Variants in ZNF705G observed in about 807,000 individuals in gnomAD.
ZNF705G encodes zinc finger protein 705G.
A neutral mutation model predicts 19.6 loss-of-function variants in ZNF705G; 23 were observed. That is an observed-to-expected ratio of 1.17 (90% confidence interval 0.84 to 1.66). The LOEUF (loss-of-function observed/expected upper bound fraction) is 1.66. Ranked by LOEUF, ZNF705G falls within the 40% of genes most tolerant of loss-of-function variation. ZNF705G has a pLI of 0.00. For missense variants in ZNF705G, 457 were observed against 354.4 expected (o/e 1.29, Z -2.32); for synonymous variants, 146 against 117.7 (o/e 1.24, Z -1.56).
At chr8:7,362,803 G>A in intron 3 of ZNF705G, 132 bp downstream of exon 3, 12 of 1,577,858 alleles carry the variant, frequency 7.6e-6, no homozygotes, top group Non-Finnish European at 1.0e-5. Context: ...CCCAGGCAGG[G>A]TGGATTTTAC....
chr8:7,363,088 G>C (rs1356902866), intron 2 of ZNF705G, 71 bp from the exon 3 acceptor site: 5 of 1,573,604 alleles, frequency 3.2e-6, no homozygotes, highest in Admixed American at 1.7e-5. Flanking sequence ...GTGATGAAAA[G>C]CCAGACTTTC....
At chr8:7,384,712 A>G (rs1807654552) in intron 1 of ZNF705G, among the ~76,000 whole-genome samples, 1 of 144,258 alleles carries the variant, frequency 6.9e-6, no homozygotes, top group Non-Finnish European at 1.5e-5. Flanking sequence ...ATGGTCGTAG[A>G]TAAGGCCTAA....
At chr8:7,359,065 A>G (rs1265466117) in intron 6 of ZNF705G, among the ~76,000 whole-genome samples, 4 of 149,438 alleles carry the variant, frequency 2.7e-5, no homozygotes, top group Admixed American at 2.6e-4. Flanking sequence ...ATCCAGATTC[A>G]CTGAGCCAGA....
At chr8:7,364,958 C>G (rs571471934) in intron 2 of ZNF705G, among the ~76,000 whole-genome samples, 1 of 149,786 alleles carries the variant, frequency 6.7e-6, no homozygotes, top group South Asian at 2.1e-4. Flanking sequence ...ACCAAGTAAA[C>G]TCTTCCTCGA....
At chr8:7,368,260 A>C (rs189764312) in intron 2 of ZNF705G, among the ~76,000 whole-genome samples, 1 of 149,572 alleles carries the variant, frequency 6.7e-6, no homozygotes, top group African/African-American at 2.6e-5. Flanking sequence ...GTTGGAAACC[A>C]AAGAGTTAAG....
chr8:7,367,638 AG>A (rs1169581107), intron 2 of ZNF705G, among the ~76,000 whole-genome samples: 1 of 149,656 alleles, frequency 6.7e-6, no homozygotes, highest in African/African-American at 2.6e-5. Context: ...TCAAGGTTAA[AG>A]GCTCTTCTCT....
chr8:7,370,438 G>T (rs1807052632), intron 2 of ZNF705G, among the ~76,000 whole-genome samples: 2 of 149,770 alleles, frequency 1.3e-5, no homozygotes, highest in South Asian at 4.2e-4. Context: ...TCAAAAAGAT[G>T]TATAACAAGT....
chr8:7,361,437 G>A (rs1170780257), intron 3 of ZNF705G, among the ~76,000 whole-genome samples: 2 of 149,598 alleles, frequency 1.3e-5, no homozygotes, highest in Non-Finnish European at 2.9e-5. Flanking sequence ...ATCCATTAAA[G>A]TTTACTATAA....
At chr8:7,385,261 T>A (rs1408636295) in intron 1 of ZNF705G, among the ~76,000 whole-genome samples, 1 of 149,320 alleles carries the variant, frequency 6.7e-6, no homozygotes, top group East Asian at 1.9e-4. Context: ...ACTATTGCAT[T>A]GGGGATTAGA....
intron 1 of ZNF705G, among the ~76,000 whole-genome samples, chr8:7,382,719 C>T (rs538184687): frequency 1.4e-5 from 2 of 146,694 alleles, no homozygotes; most frequent in South Asian, 2.1e-4. Context: ...ACATTTAATA[C>T]CACTGACATT....
rs1289387211 is a variant in ZNF705G, at chr8:7,355,564, C to CA, written c.*2411dup. 6.7e-6 allele frequency: 1 copy of CA among 149,824 alleles called. No individual in the cohort carries two copies. The highest frequency in any genetic ancestry group is 1.5e-5 in the Non-Finnish European group (1 of 68,054). The allele number at this position is 149,824 out of a possible 1,614,324, so 9.3% of individuals were successfully genotyped here. On this transcript the variant is annotated 3_prime_UTR_variant, in exon 7 of 7. Coordinates refer to ENST00000400156, the MANE Select transcript of ZNF705G (RefSeq NM_001164457.3). ...GAAGATGGAAATAAAGAAGCAAATT[C>CA]AAAAATCAGTATACAAAAGCCGATT...
chr8:7,366,956 A>G (rs778740543), intron 2 of ZNF705G, among the ~76,000 whole-genome samples: 2 of 149,670 alleles, frequency 1.3e-5, no homozygotes, highest in African/African-American at 2.6e-5. Context: ...AGGATATGCC[A>G]TTTAGTTATT....
chr8:7,361,179 T>C lies in ZNF705G; in HGVS notation c.70A>G (p.Met24Val). ...IDFTQEEWAM[M>V]DTSKRKLYRD... ...TACAGCTTTCTCTTGGATGTGTCCA[T>C]CATGGCCCACTCTTCCTGGGTGAAG... Residue 24 changes from methionine to valine, a missense_variant, in exon 4 of 7, where the codon ATG becomes GTG. Transcript: ENST00000400156. 3 of 1,593,174 alleles carry C rather than the reference T, an allele frequency of 1.9e-6. No individual in the cohort carries two copies. The highest frequency in any genetic ancestry group is 2.8e-5 in the African/African-American group (2 of 71,030).
In ZNF705G at chr8:7,363,139, G is replaced by C. The variant is rs551953464; in HGVS notation, c.-71-122C>G. On this transcript the variant is annotated intron_variant, in intron 2 of 6. Coordinates refer to ENST00000400156, the MANE Select transcript of ZNF705G (RefSeq NM_001164457.3). ...CAGCTGCACCACAGCCTAACCAACA[G>C]ACACAAACATGCAGAGGCCTCTCCT... 2.9e-5 allele frequency: 36 copies of C among 1,243,570 alleles called. 1 individual carries two copies. In the East Asian group the frequency reaches 6.2e-4, roughly 21 times the overall value. The allele number at this position is 1,243,570 out of a possible 1,614,324, so 77.0% of individuals were successfully genotyped here.
chr8:7,364,395 G>A (rs1276992104), intron 2 of ZNF705G, among the ~76,000 whole-genome samples: 2 of 149,658 alleles, frequency 1.3e-5, no homozygotes, highest in African/African-American at 5.1e-5. Flanking sequence ...TGTATTAATT[G>A]TGACATTGTG....
At chr8:7,361,453 T>C (rs1361287447) in intron 3 of ZNF705G, among the ~76,000 whole-genome samples, 1 of 149,720 alleles carries the variant, frequency 6.7e-6, no homozygotes, top group East Asian at 1.9e-4. Flanking sequence ...TATAAAGAAA[T>C]ATCACATGAG....
chr8:7,362,848 A>G lies in ZNF705G; in HGVS notation c.12+87T>C. 4 of 1,584,296 alleles carry G rather than the reference A, an allele frequency of 2.5e-6. 1 individual carries two copies. The highest frequency in any genetic ancestry group is 4.5e-5 in the East Asian group (2 of 44,792). On this transcript the variant is annotated intron_variant, in intron 3 of 6. Coordinates refer to ENST00000400156, the MANE Select transcript of ZNF705G (RefSeq NM_001164457.3). Reference sequence around the variant, plus strand: ...ACAAACAAACAAAAAAAGAATAAAAATGAAACACCCATGCAAATTGGAGAA... The same window carrying G: ...ACAAACAAACAAAAAAAGAATAAAAGTGAAACACCCATGCAAATTGGAGAA...
intron 2 of ZNF705G, among the ~76,000 whole-genome samples, chr8:7,363,978 C>G (rs1442895863): frequency 1.3e-5 from 2 of 149,486 alleles, no homozygotes; most frequent in South Asian, 2.1e-4. Context: ...CCTGTGTATA[C>G]AGTCACAATC....
chr8:7,359,348 G>C lies in ZNF705G; in HGVS notation c.318+271C>G, dbSNP rs558910946. The stretch of plus-strand genomic sequence containing the variant: ...TCTCTTCTGTAACATCTCAACTGCA[G>C]CGTTATTGCATAATTGTGTTGATAT... On this transcript the variant is annotated intron_variant, in intron 6 of 6. Transcript: ENST00000400156. Among the ~76,000 whole-genome samples the C allele has an allele frequency of 7.5e-4, 113 of 149,884 alleles. 14 individuals are homozygous for C. Among genetic ancestry groups the C allele is most frequent in the African/African-American group, 2.9e-3 (112 of 39,276 alleles).
Sources: gnomAD v4.1 joint callset for allele counts (sites outside exome capture counted in the v4.1 genomes callset) on GRCh38, gnomAD v4.1.1 for gene constraint, MANE v1.5 for transcripts, NCBI Gene and HGNC (gene_info 2026-07-23, HGNC 2026-07-21) for gene names.